Variants in NLRC5 observed in about 807,000 individuals in gnomAD.
NLRC5 encodes NLR family CARD domain containing 5.
NLRC5 carries 114 observed loss-of-function variants against 206.9 expected under a neutral mutation model. The ratio of observed to expected loss-of-function variants is 0.55; its 90% CI spans 0.47 to 0.64. The LOEUF is 0.64. NLRC5 is among the 30% of genes least tolerant of loss of function. The pLI is 0.00. For synonymous variants in NLRC5, 952 were observed against 962.8 expected, an observed-to-expected ratio of 0.99 and a Z score of 0.21; for missense variants, 2,008 against 2,305.5, an observed-to-expected ratio of 0.87 and a Z score of 2.64.
chr16:57,057,256 A>C (rs1467710873), intron 27 of NLRC5, among the ~76,000 whole-genome samples: 1 of 152,130 alleles, frequency 6.6e-6, no homozygotes. Flanking sequence ...ACCCGTCTCT[A>C]CTAAAAATAC....
chr16:57,078,331 C>T (rs1424555253), intron 43 of NLRC5, among the ~76,000 whole-genome samples: 1 of 152,138 alleles, frequency 6.6e-6, no homozygotes, highest in Non-Finnish European at 1.5e-5. Context: ...GTGAGCGGGT[C>T]CCTGAGGGCG....
Position 57,025,354 on chromosome 16 carries a change from C to G in NLRC5, c.425-14C>G, listed in dbSNP as rs1477703067. The G allele has an allele frequency of 6.5e-7, 1 of 1,527,838 alleles. No individual in the cohort carries two copies. Among genetic ancestry groups the G allele is most frequent in the Non-Finnish European group, 8.8e-7 (1 of 1,138,880 alleles). 94.6% of individuals were successfully genotyped at this position (1,527,838 alleles called of 1,614,324 possible). A position where few individuals can be genotyped will look rare whatever the true frequency, so the allele number is the denominator to read the frequency against. On this transcript the variant is annotated splice_polypyrimidine_tract_variant and intron_variant, in intron 5 of 48. Transcript: ENST00000688547. ...GGGGGTCCTCTCCTCATGCCATGTC[C>G]CTGCCCCTTGCAGAGTTGGCCAAGA...
At position 57,026,560 on chromosome 16, in the gene NLRC5, G is replaced by A; in HGVS notation, c.1617G>A (p.Gln539=). 6.2e-7 allele frequency: 1 copy of A among 1,614,182 alleles called. No individual in the cohort carries two copies. The highest frequency in any genetic ancestry group is 8.5e-7 in the Non-Finnish European group (1 of 1,180,044). The change falls in exon 6 of 49, where the codon CAG becomes CAA. Residue 539 remains glutamine (Q), a synonymous_variant. Coordinates refer to ENST00000688547, the MANE Select transcript of NLRC5 (RefSeq NM_001384950.1). The part of the protein sequence containing the change: ...SPKVNKDTLT[Q]YVTLHSRWVQ... ...AGGTGAACAAAGACACACTTACCCA[G>A]TATGTTACCCTCCATTCCCGCTGGG...
chr16:57,025,993 G>A lies in NLRC5; in HGVS notation c.1050G>A (p.Lys350=). The change falls in exon 6 of 49, where the codon AAG becomes AAA. Residue 350 remains lysine, a synonymous_variant. Transcript: ENST00000688547. ...CRVMATSRPG[K]LPACLPAEAA... The stretch of plus-strand genomic sequence containing the variant: ...TGATGGCTACCTCCCGTCCAGGGAA[G>A]CTGCCTGCCTGCCTGCCTGCAGAGG... 5 of 1,614,022 alleles carry A rather than the reference G, an allele frequency of 3.1e-6. No homozygotes were observed. The highest frequency in any genetic ancestry group is 4.2e-6 in the Non-Finnish European group (5 of 1,180,022).
In NLRC5 at chr16:57,030,382, AGATG is replaced by A. The variant is rs57070160; in HGVS notation, c.2417+324_2417+327del. On this transcript the variant is annotated intron_variant, in intron 10 of 48. Coordinates refer to ENST00000688547, the MANE Select transcript of NLRC5 (RefSeq NM_001384950.1). ...TGAAAAGATGGATGGGTGGATGAAAAGATGGATGGATGGATGGATGGATGGATGG... is the reference window on the plus strand; with the variant it reads ...TGAAAAGATGGATGGGTGGATGAAAAGATGGATGGATGGATGGATGGATGG... 2.4e-3 allele frequency among the ~76,000 whole-genome samples: 250 copies of A among 105,028 alleles called. 5 individuals carry two copies. Among genetic ancestry groups the A allele is most frequent in the African/African-American group, 8.9e-3 (232 of 26,052 alleles). The allele number at this position is 105,028 out of a possible 152,430, so 68.9% of individuals were successfully genotyped here. A position where few individuals can be genotyped will look rare whatever the true frequency, so the allele number is the denominator to read the frequency against.
At chr16:57,053,741 C>G (rs1464665275) in intron 24 of NLRC5, among the ~76,000 whole-genome samples, 2 of 152,170 alleles carry the variant, frequency 1.3e-5, no homozygotes, top group Non-Finnish European at 2.9e-5. Context: ...GTTGACCATG[C>G]TGGTCTCAAA....
At position 57,078,067 on chromosome 16, in the gene NLRC5, G is replaced by A. The variant is rs1225127891; in HGVS notation, c.5081+47G>A. 4.1e-6 allele frequency: 6 copies of A among 1,474,956 alleles called. No homozygotes were observed. In the East Asian group the frequency reaches 1.4e-4, roughly 35 times the overall value. The allele number at this position is 1,474,956 out of a possible 1,614,324, so 91.4% of individuals were successfully genotyped here. The stretch of plus-strand genomic sequence containing the variant: ...CCATGCAGGGCTGGTGGGGAGGAGG[G>A]TCCTCGGGAGCAGTGGGGGGGTCCA... On this transcript the variant is annotated intron_variant, in intron 43 of 48. Transcript: ENST00000688547.
At chr16:57,058,749 G>A (rs1349322915) in intron 28 of NLRC5, among the ~76,000 whole-genome samples, 1 of 152,246 alleles carries the variant, frequency 6.6e-6, no homozygotes, top group Non-Finnish European at 1.5e-5. Context: ...GGGGCAGCGG[G>A]CAGGGTGAGT....
chr16:57,031,663 G>C (rs2061899811), intron 11 of NLRC5, among the ~76,000 whole-genome samples, 200 bp downstream of exon 11: 1 of 150,552 alleles, frequency 6.6e-6, no homozygotes, highest in African/African-American at 2.5e-5. Context: ...ACCACATCTG[G>C]TCCCTGTGGA....
chr16:57,049,793 G>A (rs1293810698), intron 23 of NLRC5, among the ~76,000 whole-genome samples: 2 of 152,028 alleles, frequency 1.3e-5, no homozygotes, highest in Non-Finnish European at 2.9e-5. Flanking sequence ...AGCACTGGGC[G>A]GTCTGAGCAC....
rs1271909634 is a variant in NLRC5 at position 57,026,176 on chromosome 16, C to T, written c.1233C>T (p.Val411=). The change falls in exon 6 of 49, where the codon GTC becomes GTT. Residue 411 remains valine (V), a synonymous_variant. Coordinates refer to ENST00000688547, the MANE Select transcript of NLRC5 (RefSeq NM_001384950.1). ...SLCAVPALCQ[V]ACLCLHHLLP... ...GTGCGGTGCCCGCACTGTGCCAAGT[C>T]GCCTGTCTCTGCCTCCACCATCTGC... The T allele has an allele frequency of 6.2e-6, 10 of 1,613,850 alleles. No individual in the cohort carries two copies. The highest frequency in any genetic ancestry group is 4.5e-5 in the East Asian group (2 of 44,882).
chr16:57,049,690 C>T lies in NLRC5; in HGVS notation c.3423-1848C>T, dbSNP rs141546328. Reference sequence around the variant, plus strand: ...CAGAGATTGTGGTGAGCCAAGACTGCGCCACTGTCCTCCAGCCTGGGCAAC... The same window carrying T: ...CAGAGATTGTGGTGAGCCAAGACTGTGCCACTGTCCTCCAGCCTGGGCAAC... On this transcript the variant is annotated intron_variant, in intron 23 of 48. Coordinates refer to ENST00000688547, the MANE Select transcript of NLRC5 (RefSeq NM_001384950.1). 1.7e-3 allele frequency among the ~76,000 whole-genome samples: 262 copies of T among 151,734 alleles called. 2 individuals carry two copies. Among genetic ancestry groups the T allele is most frequent in the Middle Eastern group, 0.01 (3 of 294 alleles).
In NLRC5 at chr16:57,029,810, A is replaced by C. The variant is rs769436992; in HGVS notation, c.2281A>C (p.Asn761His). The stretch of plus-strand genomic sequence containing the variant: ...CCAGCTCAGTGACCAGGTGGTGCTG[A>C]ACATTGTGGAGGTTCTCCCTCACCT... ...DNQLSDQVVLNIVEVLPHLPR... is the reference protein window; with the variant it reads ...DNQLSDQVVLHIVEVLPHLPR... Residue 761 changes from asparagine (N) to histidine (H), a missense_variant, in exon 9 of 49, where the codon AAC (asparagine) becomes CAC (histidine). Asn to His is a moderately conservative substitution (Grantham distance 68, BLOSUM62 1). Coordinates refer to ENST00000688547, the MANE Select transcript of NLRC5 (RefSeq NM_001384950.1). 6.2e-7 allele frequency: 1 copy of C among 1,614,076 alleles called. No individual in the cohort carries two copies. The highest frequency in any genetic ancestry group is 2.2e-5 in the East Asian group (1 of 44,882).
rs746423471 is a variant in NLRC5 at position 57,076,884 on chromosome 16, C to G, written c.4817C>G (p.Thr1606Ser). Residue 1606 changes from threonine to serine, a missense_variant, in exon 40 of 49, where the codon ACC (threonine) becomes AGC (serine). Transcript: ENST00000688547. Reference sequence around the variant, plus strand: ...CTTTCTGAGGCTCTCAGGGCTGCCACCAGCCTAGAGGAGCTGGAGTGAGTT... The same window carrying G: ...CTTTCTGAGGCTCTCAGGGCTGCCAGCAGCCTAGAGGAGCTGGAGTGAGTT... ...CHLSEALRAATSLEELDLSHN... is the reference protein window; with the variant it reads ...CHLSEALRAASSLEELDLSHN... The G allele has an allele frequency of 1.9e-5, 30 of 1,613,838 alleles. No homozygotes were observed. Among genetic ancestry groups the G allele is most frequent in the Admixed American group, 5.0e-5 (3 of 60,000 alleles).
At position 57,079,291 on chromosome 16, in the gene NLRC5, G is replaced by A. The variant is rs1460234557; in HGVS notation, c.5236G>A (p.Asp1746Asn). 1.2e-6 allele frequency: 2 copies of A among 1,613,222 alleles called. No homozygotes were observed. Among genetic ancestry groups the A allele is most frequent in the Non-Finnish European group, 1.7e-6 (2 of 1,180,014 alleles). Residue 1746 changes from aspartate to asparagine, a missense_variant and splice_region_variant, in exon 45 of 49, where the codon GAC (aspartate) becomes AAC (asparagine). Asp to Asn is a conservative substitution (Grantham distance 23, BLOSUM62 1). Coordinates refer to ENST00000688547, the MANE Select transcript of NLRC5 (RefSeq NM_001384950.1). ...GGAGCTCCCGCTGCTCAGACAGATAGAGTAAGTAGCCTCCCCTGCCTGCCT... is the reference window on the plus strand; with the variant it reads ...GGAGCTCCCGCTGCTCAGACAGATAAAGTAAGTAGCCTCCCCTGCCTGCCT... ...CMELPLLRQI[D>N]LVSCKIDNQT...
At chr16:57,036,299 C>A in intron 14 of NLRC5, 116 bp downstream of exon 14, 1 of 904,794 alleles carries the variant, frequency 1.1e-6, no homozygotes, top group Non-Finnish European at 1.7e-6. Flanking sequence ...TGCTTCCTCC[C>A]AACTCCAGCA....
chr16:57,070,702 A>G (rs1597437679), intron 38 of NLRC5, 84 bp downstream of exon 38: 1 of 1,195,242 alleles, frequency 8.4e-7, no homozygotes, highest in African/African-American at 1.6e-5. Flanking sequence ...GGGGTTGGTT[A>G]ATGGATGGTG....
chr16:57,051,603 C>G lies in NLRC5; in HGVS notation c.3488C>G (p.Pro1163Arg). The change falls in exon 24 of 49, where the codon CCT becomes CGT. Residue 1163 changes from proline (P) to arginine (R), a missense_variant. Coordinates refer to ENST00000688547, the MANE Select transcript of NLRC5 (RefSeq NM_001384950.1). Reference sequence around the variant, plus strand: ...CTACTGGACTGCTTACCTCAACTCCCTCAGCTGAGCCTGCTGCAGTAAGAC... The same window carrying G: ...CTACTGGACTGCTTACCTCAACTCCGTCAGCTGAGCCTGCTGCAGTAAGAC... ...ETLLDCLPQL[P>R]QLSLLQLSQT... is the part of the protein sequence containing the mutation. 2.5e-6 allele frequency: 4 copies of G among 1,613,728 alleles called. No individual in the cohort carries two copies. Among genetic ancestry groups the G allele is most frequent in the Non-Finnish European group, 3.4e-6 (4 of 1,179,586 alleles).
chr16:57,054,186 G>T (rs2065292361), intron 24 of NLRC5, among the ~76,000 whole-genome samples: 1 of 152,154 alleles, frequency 6.6e-6, no homozygotes, highest in South Asian at 2.1e-4. Context: ...ATGACTGCGG[G>T]TGAGGGGTGC....
Sources: gnomAD v4.1 joint callset for allele counts (sites outside exome capture counted in the v4.1 genomes callset) on GRCh38, gnomAD v4.1.1 for gene constraint, MANE v1.5 for transcripts, NCBI Gene and HGNC (gene_info 2026-07-23, HGNC 2026-07-21) for gene names.